The following C10orf67 variants were observed in gnomAD, a reference collection of about 807,000 sequenced individuals.
The protein encoded by C10orf67 is chromosome 10 open reading frame 67, also known as uncharacterized protein C10orf67, mitochondrial.
In C10orf67, 60 loss-of-function variants were observed where a neutral mutation model predicts 35.6. The ratio of observed to expected loss-of-function variants is 1.68; its 90% CI spans 1.37 to 2.09. The LOEUF is 2.09. Among genes scored for constraint, C10orf67 ranks in the 30% most tolerant of loss-of-function variants. C10orf67 has a pLI of 0.00. For synonymous variants in C10orf67, 167 were observed against 115.8 expected, an observed-to-expected ratio of 1.44 and a Z score of -2.84; for missense variants, 474 against 330.2, an observed-to-expected ratio of 1.44 and a Z score of -3.38.
chr10:23,237,788 A>G (rs960581001), intron 13 of C10orf67, among the ~76,000 whole-genome samples: 1 of 152,186 alleles, frequency 6.6e-6, no homozygotes, highest in Admixed American at 6.5e-5. Flanking sequence ...TGATGGGGGC[A>G]ATGTATTGTC....
chr10:23,293,051 G>C (rs762529548), intron 5 of C10orf67, among the ~76,000 whole-genome samples: 6 of 152,064 alleles, frequency 3.9e-5, no homozygotes, highest in African/African-American at 1.2e-4. Context: ...GCCTTAATAG[G>C]CTTAAGCATA....
intron 8 of C10orf67, among the ~76,000 whole-genome samples, chr10:23,275,897 A>G (rs1843173794): frequency 6.6e-6 from 1 of 152,120 alleles, no homozygotes. Context: ...ATCAATATCA[A>G]TATGGTTAAT....
chr10:23,250,836 G>A (rs377411554), intron 10 of C10orf67, 145 bp from the exon 11 acceptor site: 13 of 391,368 alleles, frequency 3.3e-5, no homozygotes, highest in South Asian at 1.4e-4. Context: ...GGTGACTCAC[G>A]CCTGTAATCC....
chr10:23,269,777 C>G (rs1034673185), intron 8 of C10orf67, among the ~76,000 whole-genome samples: 1 of 151,274 alleles, frequency 6.6e-6, no homozygotes, highest in Non-Finnish European at 1.5e-5. Context: ...GGAAGAAATG[C>G]TAGAGCTAAA....
chr10:23,229,043 A>G (rs1191738064), intron 13 of C10orf67, among the ~76,000 whole-genome samples: 2 of 152,156 alleles, frequency 1.3e-5, no homozygotes, highest in Non-Finnish European at 2.9e-5. Flanking sequence ...TCAAGGATCT[A>G]GAACTAGAAA....
intron 1 of C10orf67, among the ~76,000 whole-genome samples, chr10:23,342,218 C>CACACACACACA (rs1845920703): frequency 6.7e-6 from 1 of 149,584 alleles, no homozygotes; most frequent in Non-Finnish European, 1.5e-5. Context: ...TCCCCACTTG[C>CACACACACACA]CACACACACA....
rs145061727 is a variant in C10orf67 at position 23,210,994 on chromosome 10, A to G, written c.1571-6739T>C. 2.0e-3 allele frequency among the ~76,000 whole-genome samples: 299 copies of G among 152,334 alleles called. 3 individuals are homozygous for G. The highest frequency in any genetic ancestry group is 5.7e-3 in the African/African-American group (237 of 41,572). On this transcript the variant is annotated intron_variant, in intron 15 of 15. Transcript: ENST00000636213. Reference sequence around the variant, plus strand: ...ATAGTGGGTATCAATTATTTAATGTAATGCCAATGAAGTTATTAAATTGTT... The same window carrying G: ...ATAGTGGGTATCAATTATTTAATGTGATGCCAATGAAGTTATTAAATTGTT...
intron 10 of C10orf67, among the ~76,000 whole-genome samples, chr10:23,263,941 A>T (rs143115768): frequency 3.3e-5 from 5 of 152,232 alleles, no homozygotes; most frequent in Non-Finnish European, 7.3e-5. Flanking sequence ...CTAAACACTC[A>T]GTTTATCACT....
At chr10:23,288,550 T>A (rs1443048866) in intron 7 of C10orf67, among the ~76,000 whole-genome samples, 1 of 152,186 alleles carries the variant, frequency 6.6e-6, no homozygotes, top group Non-Finnish European at 1.5e-5. Flanking sequence ...TATACCTATG[T>A]AACAAACCTG....
chr10:23,209,620 T>A (rs951287593), intron 15 of C10orf67, among the ~76,000 whole-genome samples: 1 of 152,154 alleles, frequency 6.6e-6, no homozygotes, highest in Non-Finnish European at 1.5e-5. Context: ...ATGATAAATA[T>A]GCCAGTTAGC....
chr10:23,271,876 C>G (rs767419722), intron 8 of C10orf67, among the ~76,000 whole-genome samples: 2 of 152,012 alleles, frequency 1.3e-5, no homozygotes, highest in South Asian at 4.1e-4. Context: ...TTTGTTTTTT[C>G]ATTAAAAAAT....
chr10:23,282,132 A>T (rs1843388584), intron 7 of C10orf67, 54 bp from the exon 8 acceptor site: 1 of 446,398 alleles, frequency 2.2e-6, no homozygotes, highest in South Asian at 5.3e-5. Context: ...GAACACCTAA[A>T]ATCCCTCCTC....
chr10:23,235,012 CA>C (rs57049730), intron 13 of C10orf67, among the ~76,000 whole-genome samples: 12,271 of 75,802 alleles, frequency 0.16, 602 homozygotes, highest in East Asian at 0.52. Context: ...AATTCCATCT[CA>C]AAAAAAAAAA....
At chr10:23,259,236 G>A (rs1376166160) in intron 10 of C10orf67, among the ~76,000 whole-genome samples, 1 of 152,154 alleles carries the variant, frequency 6.6e-6, no homozygotes, top group African/African-American at 2.4e-5. Flanking sequence ...GGGTCATTCT[G>A]TCCTTCGTAT....
intron 13 of C10orf67, among the ~76,000 whole-genome samples, chr10:23,234,926 T>C (rs4748847): frequency 0.4 from 59,117 of 148,266 alleles, 14,840 homozygotes; most frequent in East Asian, 0.74. Context: ...GCAGGAGAAT[T>C]GCTTGAACCC....
intron 13 of C10orf67, among the ~76,000 whole-genome samples, chr10:23,224,585 A>G (rs1301782722): frequency 1.3e-5 from 2 of 152,218 alleles, no homozygotes; most frequent in African/African-American, 2.4e-5. Flanking sequence ...TCTCCGAGCT[A>G]AAGGAGGAAG....
chr10:23,249,824 C>T (rs1383460296), intron 12 of C10orf67, among the ~76,000 whole-genome samples: 1 of 152,154 alleles, frequency 6.6e-6, no homozygotes, highest in African/African-American at 2.4e-5. Flanking sequence ...ACATGTTCCC[C>T]CAGGGAATCT....
chr10:23,257,619 A>G (rs745526263), intron 10 of C10orf67, among the ~76,000 whole-genome samples: 8 of 152,154 alleles, frequency 5.3e-5, no homozygotes, highest in Non-Finnish European at 1.2e-4. Flanking sequence ...CCTGGGCAAT[A>G]TGGCAAAATT....
At chr10:23,336,079 G>A (rs1405195251) in intron 1 of C10orf67, among the ~76,000 whole-genome samples, 1 of 152,212 alleles carries the variant, frequency 6.6e-6, no homozygotes, top group Admixed American at 6.5e-5. Flanking sequence ...AAGAATGTGG[G>A]TCAGTTGGGG....
Sources: gnomAD v4.1 joint callset for allele counts (sites outside exome capture counted in the v4.1 genomes callset) on GRCh38, gnomAD v4.1.1 for gene constraint, MANE v1.5 for transcripts, NCBI Gene and HGNC (gene_info 2026-07-23, HGNC 2026-07-21) for gene names.